RPS6KA6: variants seen among roughly 807,000 people sequenced by gnomAD.
RPS6KA6 encodes ribosomal protein S6 kinase alpha-6.
Under a neutral mutation model 65.4 loss-of-function variants are expected in RPS6KA6, and 27 were observed. The observed-to-expected ratio is 0.41, with a 90% confidence interval of 0.30 to 0.57. The LOEUF (loss-of-function observed/expected upper bound fraction) is 0.57. Ranked by LOEUF, RPS6KA6 falls within the 20% of genes least tolerant of loss-of-function variation. RPS6KA6 has a pLI of 0.24. For missense variants in RPS6KA6, 486 were observed against 555.6 expected (o/e 0.87, Z 1.26); for synonymous variants, 190 against 184.2 (o/e 1.03, Z -0.26).
At chrX:84,185,437 T>A (rs1247349447) in intron 1 of RPS6KA6, among the ~76,000 whole-genome samples, 1 of 111,878 alleles carries the variant, frequency 8.9e-6, no homozygotes, top group Non-Finnish European at 1.9e-5. Flanking sequence ...CTCGCTATTA[T>A]GTACTGATCT....
chrX:84,080,265 G>T (rs1483727243), intron 20 of RPS6KA6, among the ~76,000 whole-genome samples: 1 of 100,363 alleles, frequency 1.0e-5, no homozygotes, highest in Admixed American at 1.1e-4. Context: ...AACTCAGGCA[G>T]ACCTGCAGCA....
chrX:84,066,743 C>T lies in RPS6KA6; in HGVS notation c.1972-1632G>A, dbSNP rs6616891. ...TGAAGAGAGCAGCTGATCCTGACAA[C>T]GATTCTCCCAGCACAGTGCTCTAGC... On this transcript the variant is annotated intron_variant, in intron 20 of 21. Coordinates refer to ENST00000262752, the MANE Select transcript of RPS6KA6 (RefSeq NM_014496.5). 1.2e-4 allele frequency among the ~76,000 whole-genome samples: 13 copies of T among 111,545 alleles called. No homozygotes were observed. In the South Asian group the frequency reaches 1.5e-3, roughly 13 times the overall value.
At chrX:84,110,890 T>C (rs1321238002) in intron 12 of RPS6KA6, among the ~76,000 whole-genome samples, 2 of 109,911 alleles carry the variant, frequency 1.8e-5, no homozygotes, top group Non-Finnish European at 3.8e-5. Context: ...ACATTCAGAA[T>C]ATGGATTGTA....
intron 17 of RPS6KA6, among the ~76,000 whole-genome samples, chrX:84,103,344 A>G (rs72632458): frequency 1.8e-5 from 2 of 111,404 alleles, no homozygotes; most frequent in East Asian, 5.6e-4. Flanking sequence ...CAGCAGAAAA[A>G]TAGAAACAAT....
In RPS6KA6 at chrX:84,107,022, G is replaced by T; in HGVS notation, c.1130C>A (p.Ala377Asp). ...KTPKDSPGLP[A>D]SANAHQLFKG... ...GAAGAGCTGATGAGCATTTGCACTG[G>T]CTGGCAAACCGGGAGAATCTAATGT... The change falls in exon 14 of 22, where the codon GCC (alanine) becomes GAC (aspartate). Residue 377 changes from alanine to aspartate, a missense_variant. By Grantham distance (126) the Ala-to-Asp change is moderately radical. Coordinates refer to ENST00000262752, the MANE Select transcript of RPS6KA6 (RefSeq NM_014496.5). 1 of 1,197,215 alleles carries T rather than the reference G, an allele frequency of 8.4e-7. No homozygotes were observed. The highest frequency in any genetic ancestry group is 1.1e-6 in the Non-Finnish European group (1 of 888,026).
In RPS6KA6 at chrX:84,134,783, T is replaced by C; in HGVS notation, c.645A>G (p.Thr215=). 8.9e-7 allele frequency: 1 copy of C among 1,118,550 alleles called. No individual in the cohort carries two copies. The highest frequency in any genetic ancestry group is 1.2e-6 in the Non-Finnish European group (1 of 831,291). 92.2% of individuals were successfully genotyped at this position (1,118,550 alleles called of 1,213,427 possible). ...GGTATAATAAGAAAATCTGCATACC[T>C]GTTAATTTGATATGTCCTATTTCAT... ...LLDEIGHIKL[T]DFGLSKESVD... Residue 215 remains threonine (T), a splice_region_variant and synonymous_variant, in exon 8 of 22, where the codon ACA becomes ACG. Coordinates refer to ENST00000262752, the MANE Select transcript of RPS6KA6 (RefSeq NM_014496.5).
intron 1 of RPS6KA6, among the ~76,000 whole-genome samples, chrX:84,170,202 A>G (rs1185943480): frequency 9.2e-6 from 1 of 109,236 alleles, no homozygotes; most frequent in Non-Finnish European, 1.9e-5. Flanking sequence ...TATGTCTCTC[A>G]AATAAGCTTT....
chrX:84,148,434 A>AAAT (rs2035239726), intron 3 of RPS6KA6, among the ~76,000 whole-genome samples: 3 of 109,307 alleles, frequency 2.7e-5, no homozygotes, highest in African/African-American at 9.8e-5. Context: ...TCTATAATTT[A>AAAT]CATTATTATT....
chrX:84,080,035 C>T (rs778542669), intron 20 of RPS6KA6, among the ~76,000 whole-genome samples: 1 of 111,392 alleles, frequency 9.0e-6, no homozygotes, highest in South Asian at 3.9e-4. Flanking sequence ...GACTGGGAGA[C>T]ACCTCTCAGC....
intron 20 of RPS6KA6, among the ~76,000 whole-genome samples, chrX:84,082,997 G>A (rs756354290): frequency 8.9e-6 from 1 of 112,165 alleles, no homozygotes; most frequent in African/African-American, 3.2e-5. Flanking sequence ...AAAAACCCTA[G>A]AAGAAAACCT....
chrX:84,150,855 A>C (rs1301870973), intron 3 of RPS6KA6, among the ~76,000 whole-genome samples: 3 of 97,618 alleles, frequency 3.1e-5, no homozygotes, highest in African/African-American at 1.1e-4. Flanking sequence ...GGATATATAT[A>C]TATAGAGGAT....
chrX:84,143,990 G>A (rs2035153377), intron 6 of RPS6KA6, among the ~76,000 whole-genome samples: 1 of 111,201 alleles, frequency 9.0e-6, no homozygotes, highest in Admixed American at 9.6e-5. Context: ...GTGAACAAAT[G>A]AAAAGGACTT....
At chrX:84,156,517 T>C (rs1340154815) in intron 2 of RPS6KA6, among the ~76,000 whole-genome samples, 1 of 111,142 alleles carries the variant, frequency 9.0e-6, no homozygotes, top group Non-Finnish European at 1.9e-5. Flanking sequence ...ACTAATGAGG[T>C]AGAGGCAGAA....
intron 1 of RPS6KA6, among the ~76,000 whole-genome samples, chrX:84,172,220 T>C (rs1027771714): frequency 5.4e-5 from 6 of 112,081 alleles, no homozygotes; most frequent in African/African-American, 1.9e-4. Flanking sequence ...TGTGTCTTTA[T>C]ATTAGAATGA....
At chrX:84,177,410 C>T (rs138505629) in intron 1 of RPS6KA6, among the ~76,000 whole-genome samples, 2,267 of 111,124 alleles carry the variant, frequency 0.02, 60 homozygotes, top group African/African-American at 0.071. Context: ...ACAGATAGAG[C>T]GACCAAGTAA....
intron 12 of RPS6KA6, among the ~76,000 whole-genome samples, chrX:84,111,011 T>C (rs2034459714): frequency 9.4e-6 from 1 of 106,385 alleles, no homozygotes; most frequent in African/African-American, 3.4e-5. Flanking sequence ...TATATATATA[T>C]TTAAATTCTG....
intron 1 of RPS6KA6, among the ~76,000 whole-genome samples, chrX:84,179,306 G>A (rs772504473): frequency 2.7e-5 from 3 of 111,150 alleles, no homozygotes; most frequent in South Asian, 3.8e-4. Flanking sequence ...GAATTCTCAC[G>A]CAGCAACCTC....
intron 5 of RPS6KA6, among the ~76,000 whole-genome samples, 156 bp from the exon 6 acceptor site, chrX:84,145,713 T>G (rs1248472689): frequency 9.0e-6 from 1 of 111,348 alleles, no homozygotes; most frequent in East Asian, 2.8e-4. Context: ...TTTAATCCAG[T>G]GTAGAAATAG....
intron 8 of RPS6KA6, among the ~76,000 whole-genome samples, chrX:84,127,965 C>T (rs750147504): frequency 8.1e-5 from 9 of 111,188 alleles, no homozygotes; most frequent in Non-Finnish European, 1.1e-4. Flanking sequence ...ACTGCAAGTC[C>T]TAACCAGAGC....
Sources: allele counts gnomAD v4.1 joint callset (sites outside exome capture counted in the v4.1 genomes callset), GRCh38; gene constraint gnomAD v4.1.1; transcripts MANE v1.5; gene names NCBI Gene and HGNC (gene_info 2026-07-23, HGNC 2026-07-21).